The following OR13G1 variants were observed in gnomAD, a reference collection of about 807,000 sequenced individuals.
OR13G1 encodes the protein olfactory receptor family 13 subfamily G member 1, also known as olfactory receptor 13G1.
For missense variants in OR13G1, 369 were observed against 385.7 expected, an observed-to-expected ratio of 0.96 and a Z score of 0.36; for synonymous variants, 128 against 136.2, an observed-to-expected ratio of 0.94 and a Z score of 0.42.
Position 247,672,193 on chromosome 1 carries a change from G to C in OR13G1, c.849C>G (p.Asn283Lys). 1 of 1,614,098 alleles carries C rather than the reference G, an allele frequency of 6.2e-7. No individual in the cohort carries two copies. Among genetic ancestry groups the C allele is most frequent in the Non-Finnish European group, 8.5e-7 (1 of 1,179,990 alleles). ...ALYTLVTPTL[N>K]PMVYSFQNRE... The stretch of plus-strand genomic sequence containing the variant: ...TATTCTGGAAGCTGTACACCATCGG[G>C]TTTAATGTGGGAGTCACAAGAGTAT... Residue 283 changes from asparagine to lysine, a missense_variant, in exon 2 of 2, where the codon AAC (asparagine) becomes AAG (lysine). Physicochemically the swap from Asn to Lys is moderately conservative, Grantham distance 94. Transcript: ENST00000642119.
Position 247,673,021 on chromosome 1 carries a change from A to G in OR13G1, c.21T>C (p.Thr7=), listed in dbSNP as rs754306314. The change falls in exon 2 of 2, where the codon ACT becomes ACC. Residue 7 remains threonine (T), a synonymous_variant. Transcript: ENST00000642119. MNHSVV[T]EFIILGLTKK... is the part of the protein sequence containing the mutation. ...TGGTGAGGCCCAGAATAATGAACTCAGTTACAACGCTGTGATTCATCCTGC... is the reference window on the plus strand; with the variant it reads ...TGGTGAGGCCCAGAATAATGAACTCGGTTACAACGCTGTGATTCATCCTGC... 21 of 1,611,220 alleles carry G rather than the reference A, an allele frequency of 1.3e-5. No individual in the cohort carries two copies. Among genetic ancestry groups the G allele is most frequent in the Middle Eastern group, 1.7e-4 (1 of 6,052 alleles).
Position 247,672,447 on chromosome 1 carries a change from C to T in OR13G1, c.595G>A (p.Ala199Thr), listed in dbSNP as rs147056410. The change falls in exon 2 of 2, where the codon GCT becomes ACT. Residue 199 changes from alanine to threonine, a missense_variant. Transcript: ENST00000642119. ...VRINEVMVYV[A>T]DITLAIGDFI... The stretch of plus-strand genomic sequence containing the variant: ...TCCCCTATGGCCAGGGTAATATCAG[C>T]AACATACACCATCACCTCATTGATT... 6.4e-5 allele frequency: 103 copies of T among 1,614,086 alleles called. No homozygotes were observed. The East Asian group carries it at 2.1e-3, about 32-fold the overall frequency.
At chr1:247,678,999 T>C (rs1659407327) in intron 1 of OR13G1, among the ~76,000 whole-genome samples, 1 of 148,770 alleles carries the variant, frequency 6.7e-6, no homozygotes, top group Non-Finnish European at 1.5e-5. Context: ...CACATTTACA[T>C]TGTTTTCTAA....
Position 247,672,237 on chromosome 1 carries a change from T to G in OR13G1, c.805A>C (p.Lys269Gln), listed in dbSNP as rs1306880207. The G allele has an allele frequency of 6.2e-7, 1 of 1,614,072 alleles. No homozygotes were observed. Among genetic ancestry groups the G allele is most frequent in the Admixed American group, 1.7e-5 (1 of 59,998 alleles). ...AGAGTATAGAGTGCAGCTACCACCT[T>G]GTCTCTTTCAAATGTATAGCTGGAA... ...PASSYTFERD[K>Q]VVAALYTLVT... Residue 269 changes from lysine to glutamine, a missense_variant, in exon 2 of 2, where the codon AAG (lysine) becomes CAG (glutamine). Lys to Gln is a moderately conservative substitution (Grantham distance 53, BLOSUM62 1). Transcript: ENST00000642119.
rs748178928 is a variant in OR13G1, at chr1:247,672,687, G to A, written c.355C>T (p.Arg119Cys). 29 of 1,613,808 alleles carry A rather than the reference G, an allele frequency of 1.8e-5. No individual in the cohort carries two copies. The highest frequency in any genetic ancestry group is 5.3e-5 in the African/African-American group (4 of 74,888). Reference protein sequence around the residue: ...MVLFTTMAYDRYVAICFPLHY... With the variant: ...MVLFTTMAYDCYVAICFPLHY... ...AGAGGGAAACAAATGGCCACATAGCGGTCATAGGCCATGGTGGTGAAGAGA... is the reference window on the plus strand; with the variant it reads ...AGAGGGAAACAAATGGCCACATAGCAGTCATAGGCCATGGTGGTGAAGAGA... The change falls in exon 2 of 2, where the codon CGC becomes TGC. Residue 119 changes from arginine to cysteine, a missense_variant. Arg to Cys is a radical substitution (Grantham distance 180). Transcript: ENST00000642119.
At position 247,672,440 on chromosome 1, in the gene OR13G1, A is replaced by G; in HGVS notation, c.602T>C (p.Ile201Thr). ...INEVMVYVADITLAIGDFILT... is the reference protein window; with the variant it reads ...INEVMVYVADTTLAIGDFILT... The stretch of plus-strand genomic sequence containing the variant: ...AATAAAGTCCCCTATGGCCAGGGTA[A>G]TATCAGCAACATACACCATCACCTC... The change falls in exon 2 of 2, where the codon ATT becomes ACT. Residue 201 changes from isoleucine to threonine, a missense_variant. Transcript: ENST00000642119. 6.2e-7 allele frequency: 1 copy of G among 1,614,112 alleles called. No individual in the cohort carries two copies. The highest frequency in any genetic ancestry group is 8.5e-7 in the Non-Finnish European group (1 of 1,179,990).
chr1:247,674,829 CCTTT>C (rs1659310809), intron 1 of OR13G1, among the ~76,000 whole-genome samples: 1 of 152,032 alleles, frequency 6.6e-6, no homozygotes, highest in Admixed American at 6.5e-5. Flanking sequence ...TTGCTATTCA[CCTTT>C]CTACTATATA....
Position 247,673,120 on chromosome 1 carries a change from A to G in OR13G1, c.-79T>C, listed in dbSNP as rs1659245855. On this transcript the variant is annotated 5_prime_UTR_variant, in exon 2 of 2. Transcript: ENST00000642119. ...GAAAGAATCCCTGTGTTGTTAGGAG[A>G]TAACATGAGGAGTGTGTGTACTTAG... The G allele has an allele frequency of 1.8e-6, 2 of 1,101,582 alleles. No individual in the cohort carries two copies. The highest frequency in any genetic ancestry group is 3.1e-5 in the African/African-American group (2 of 64,314). The allele number at this position is 1,101,582 out of a possible 1,614,324, so 68.2% of individuals were successfully genotyped here. A position where few individuals can be genotyped will look rare whatever the true frequency, so the allele number is the denominator to read the frequency against.
chr1:247,672,282 A>C lies in OR13G1; in HGVS notation c.760T>G (p.Tyr254Asp). The C allele has an allele frequency of 6.2e-7, 1 of 1,614,144 alleles. No individual in the cohort carries two copies. Among genetic ancestry groups the C allele is most frequent in the South Asian group, 1.1e-5 (1 of 91,080 alleles). The change falls in exon 2 of 2, where the codon TAC becomes GAC. Residue 254 changes from tyrosine to aspartate, a missense_variant. By Grantham distance (160) the Tyr-to-Asp change is radical (BLOSUM62 -3). Coordinates refer to ENST00000642119, the MANE Select transcript of OR13G1 (RefSeq NM_001005487.2). The part of the protein sequence containing the change: ...VVTLYYSPVI[Y>D]TYIRPASSYT... Reference sequence around the variant, plus strand: ...CTGGAAGCAGGGCGGATATAGGTGTAGATTACAGGAGAATAGTAAAGGGTC... The same window carrying C: ...CTGGAAGCAGGGCGGATATAGGTGTCGATTACAGGAGAATAGTAAAGGGTC...
chr1:247,679,189 C>A (rs186782199), intron 1 of OR13G1, among the ~76,000 whole-genome samples: 1 of 152,128 alleles, frequency 6.6e-6, no homozygotes, highest in African/African-American at 2.4e-5. Flanking sequence ...CATCCTGATA[C>A]AATGAGAAGT....
rs760889320 is a variant in OR13G1 at position 247,673,015 on chromosome 1, G to T, written c.27C>A (p.Phe9Leu). 2 of 1,612,608 alleles carry T rather than the reference G, an allele frequency of 1.2e-6. No individual in the cohort carries two copies. The highest frequency in any genetic ancestry group is 1.7e-6 in the Non-Finnish European group (2 of 1,179,328). The change falls in exon 2 of 2, where the codon TTC becomes TTA. Residue 9 changes from phenylalanine to leucine, a missense_variant. Transcript: ENST00000642119. ...GCTTTTTGGTGAGGCCCAGAATAAT[G>T]AACTCAGTTACAACGCTGTGATTCA... Reference protein sequence around the residue: MNHSVVTEFIILGLTKKPE... With the variant: MNHSVVTELIILGLTKKPE...
chr1:247,679,565 C>T (rs1036222975), intron 1 of OR13G1, 75 bp downstream of exon 1: 5 of 151,362 alleles, frequency 3.3e-5, no homozygotes, highest in South Asian at 4.2e-4. Flanking sequence ...TGTTACCTGG[C>T]TCAAAAATAT....
In OR13G1 at chr1:247,671,397, A is replaced by G. The variant is rs1446926167; in HGVS notation, c.*721T>C. The G allele has an allele frequency of 6.6e-6, 1 of 152,078 alleles. No homozygotes were observed. Among genetic ancestry groups the G allele is most frequent in the Non-Finnish European group, 1.5e-5 (1 of 68,042 alleles). The allele number at this position is 152,078 out of a possible 1,614,324, so 9.4% of individuals were successfully genotyped here. A position where few individuals can be genotyped will look rare whatever the true frequency, so the allele number is the denominator to read the frequency against. On this transcript the variant is annotated 3_prime_UTR_variant, in exon 2 of 2. Coordinates refer to ENST00000642119, the MANE Select transcript of OR13G1 (RefSeq NM_001005487.2). ...AAACAATATTGAAGGGCAGAACAAG[A>G]TGACTGAAGGTGCCTGTTTCATTGA...
At chr1:247,676,895 G>T (rs1151662) in intron 1 of OR13G1, among the ~76,000 whole-genome samples, 59,908 of 151,852 alleles carry the variant, frequency 0.39, 12,581 homozygotes, top group East Asian at 0.58. Flanking sequence ...CAGGAATGTG[G>T]TATTGTCTCC....
Position 247,672,534 on chromosome 1 carries a change from T to C in OR13G1, c.508A>G (p.Thr170Ala). Residue 170 changes from threonine to alanine, a missense_variant, in exon 2 of 2, where the codon ACC becomes GCC. Transcript: ENST00000642119. ...ATCTCACAGAAGAAGTGGTCAATGGTGTTTGGCCCACAGAAAGTCAACCTC... is the reference window on the plus strand; with the variant it reads ...ATCTCACAGAAGAAGTGGTCAATGGCGTTTGGCCCACAGAAAGTCAACCTC... ...IMRLTFCGPN[T>A]IDHFFCEIPP... 1 of 1,614,008 alleles carries C rather than the reference T, an allele frequency of 6.2e-7. No individual in the cohort carries two copies. The highest frequency in any genetic ancestry group is 8.5e-7 in the Non-Finnish European group (1 of 1,180,004).
rs1236483260 is a variant in OR13G1, at chr1:247,671,449, T to C, written c.*669A>G. ...GGACCCATTGAACCGCCATACACAC[T>C]ATTGACTGCCTGCCTAATGTCAGAC... On this transcript the variant is annotated 3_prime_UTR_variant, in exon 2 of 2. Coordinates refer to ENST00000642119, the MANE Select transcript of OR13G1 (RefSeq NM_001005487.2). 1 of 152,484 alleles carries C rather than the reference T, an allele frequency of 6.6e-6. No homozygotes were observed. The highest frequency in any genetic ancestry group is 2.4e-5 in the African/African-American group (1 of 41,428). The allele number at this position is 152,484 out of a possible 1,614,324, so 9.4% of individuals were successfully genotyped here.
At chr1:247,676,589 C>T (rs1659349140) in intron 1 of OR13G1, among the ~76,000 whole-genome samples, 1 of 152,110 alleles carries the variant, frequency 6.6e-6, no homozygotes, top group Admixed American at 6.6e-5. Flanking sequence ...GTTATTTCAG[C>T]ATCAGTGATA....
intron 1 of OR13G1, 54 bp from the exon 2 acceptor site, chr1:247,673,333 G>A (rs77054791): frequency 0.039 from 13,484 of 349,430 alleles, 372 homozygotes; most frequent in Middle Eastern, 0.098. Context: ...CAAATATTTT[G>A]ATATCATTTT....
Position 247,671,591 on chromosome 1 carries a change from G to C in OR13G1, c.*527C>G, listed in dbSNP as rs1659204021. On this transcript the variant is annotated 3_prime_UTR_variant, in exon 2 of 2. Coordinates refer to ENST00000642119, the MANE Select transcript of OR13G1 (RefSeq NM_001005487.2). ...GTTTGCCCAATAATTTTATTCAGTA[G>C]AGCACGATTTTTCTCCAATGAAATC... 1.3e-5 allele frequency: 2 copies of C among 156,244 alleles called. No individual in the cohort carries two copies. The highest frequency in any genetic ancestry group is 1.2e-4 in the Admixed American group (2 of 16,286). The allele number at this position is 156,244 out of a possible 1,614,324, so 9.7% of individuals were successfully genotyped here.
Sources: gnomAD v4.1 joint callset for allele counts (sites outside exome capture counted in the v4.1 genomes callset) on GRCh38, gnomAD v4.1.1 for gene constraint, MANE v1.5 for transcripts, NCBI Gene and HGNC (gene_info 2026-07-23, HGNC 2026-07-21) for gene names.